Variants in SLC28A1 observed in about 807,000 individuals in gnomAD.
SLC28A1 encodes the protein solute carrier family 28 member 1, also known as sodium/nucleoside cotransporter 1.
In SLC28A1, 64 loss-of-function variants were observed where a neutral mutation model predicts 74.8. The ratio of observed to expected loss-of-function variants is 0.86; its 90% CI spans 0.70 to 1.05. The LOEUF (loss-of-function observed/expected upper bound fraction) is 1.05, where lower values mean the gene tolerates loss of function less well. SLC28A1 is among the 50% of genes least tolerant of loss of function. The pLI is 0.00. For missense variants in SLC28A1, 828 were observed against 822.8 expected, an observed-to-expected ratio of 1.01 and a Z score of -0.08; for synonymous variants, 359 against 335.0, an observed-to-expected ratio of 1.07 and a Z score of -0.78.
chr15:84,922,915 G>T (rs534238896), intron 11 of SLC28A1, among the ~76,000 whole-genome samples: 5 of 152,318 alleles, frequency 3.3e-5, no homozygotes, highest in African/African-American at 1.2e-4. Flanking sequence ...TCCTCAGAGA[G>T]GGCTTTGCCG....
In SLC28A1 at chr15:84,886,571, G is replaced by A. The variant is rs973854573; in HGVS notation, c.-132-101G>A. On this transcript the variant is annotated intron_variant, in intron 1 of 18. Coordinates refer to ENST00000394573, the MANE Select transcript of SLC28A1 (RefSeq NM_004213.5). Reference sequence around the variant, plus strand: ...GCCTGCTTCCTGTATCCCTGAGACCGTGTTGGGGTCCCCACCCTGGCTGTG... The same window carrying A: ...GCCTGCTTCCTGTATCCCTGAGACCATGTTGGGGTCCCCACCCTGGCTGTG... 14 of 985,400 alleles carry A rather than the reference G, an allele frequency of 1.4e-5. No homozygotes were observed. In the Admixed American group the frequency reaches 1.8e-4, roughly 13 times the overall value. 61.0% of individuals were successfully genotyped at this position (985,400 alleles called of 1,614,324 possible). A position where few individuals can be genotyped will look rare whatever the true frequency, so the allele number is the denominator to read the frequency against.
At chr15:84,937,913 C>CAAAAT (rs386383645) in intron 15 of SLC28A1, among the ~76,000 whole-genome samples, 1 of 143,336 alleles carries the variant, frequency 7.0e-6, no homozygotes, top group East Asian at 2.1e-4. Context: ...CAAAACAAAA[C>CAAAAT]AAAAAACCAG....
intron 6 of SLC28A1, among the ~76,000 whole-genome samples, chr15:84,898,300 C>T (rs1011627213): frequency 3.3e-5 from 5 of 152,034 alleles, no homozygotes; most frequent in Admixed American, 6.6e-5. Flanking sequence ...TGCATTTGGT[C>T]GGGTGCGGTG....
At chr15:84,908,917 C>T (rs754522679) in intron 9 of SLC28A1, 122 bp downstream of exon 9, 14 of 806,870 alleles carry the variant, frequency 1.7e-5, no homozygotes, top group Non-Finnish European at 6.4e-6. Context: ...GCAGAGGTCG[C>T]CGTACTGGGA....
chr15:84,922,942 G>T (rs1453897454), intron 11 of SLC28A1, among the ~76,000 whole-genome samples: 1 of 152,134 alleles, frequency 6.6e-6, no homozygotes, highest in Non-Finnish European at 1.5e-5. Context: ...CAGTTTCTTT[G>T]TTTTTGTTTT....
chr15:84,902,524 A>G (rs1966786883), intron 6 of SLC28A1, among the ~76,000 whole-genome samples: 1 of 151,886 alleles, frequency 6.6e-6, no homozygotes, highest in Non-Finnish European at 1.5e-5. Context: ...AAAACATATC[A>G]ACTGTTACCT....
chr15:84,962,356 G>A, the SLC28A1 span, among the ~76,000 whole-genome samples: 3 of 152,106 alleles, frequency 2.0e-5, no homozygotes, highest in African/African-American at 4.8e-5. Flanking sequence ...TTATAGGTGT[G>A]AGCCACTGCA....
At chr15:84,974,631 G>A in the SLC28A1 span, among the ~76,000 whole-genome samples, 1 of 152,142 alleles carries the variant, frequency 6.6e-6, no homozygotes, top group African/African-American at 2.4e-5. Flanking sequence ...GATGCCAGCA[G>A]GGCTCAGGTT....
chr15:84,886,041 T>A, intron 1 of SLC28A1: 1 of 588,518 alleles, frequency 1.7e-6, no homozygotes, highest in Non-Finnish European at 2.1e-6. Context: ...ATTAAAGAGA[T>A]GTTGTGAATC....
At chr15:84,950,370 T>C (rs971624698), downstream of SLC28A1, among the ~76,000 whole-genome samples, 3 of 151,392 alleles carry the variant, frequency 2.0e-5, no homozygotes, top group African/African-American at 7.3e-5. Context: ...TTTTTTTTTT[T>C]TTTTTTTTTT....
At chr15:84,899,688 G>A (rs972785346) in intron 6 of SLC28A1, among the ~76,000 whole-genome samples, 1 of 152,146 alleles carries the variant, frequency 6.6e-6, no homozygotes, top group African/African-American at 2.4e-5. Flanking sequence ...AACTCTTTCA[G>A]TCATACAAAA....
At chr15:84,928,518 G>GTTTT (rs749290216) in intron 12 of SLC28A1, among the ~76,000 whole-genome samples, 944 of 34,116 alleles carry the variant, frequency 0.028, 78 homozygotes, top group Middle Eastern at 0.067. Context: ...CAAGCTCCCA[G>GTTTT]GTTCGTTCGT....
At chr15:84,962,127 T>C in the SLC28A1 span, among the ~76,000 whole-genome samples, 1 of 152,088 alleles carries the variant, frequency 6.6e-6, no homozygotes. Context: ...CAGGCTGGAG[T>C]GCAATGGTGT....
chr15:84,961,362 C>T, the SLC28A1 span, among the ~76,000 whole-genome samples: 1 of 149,392 alleles, frequency 6.7e-6, no homozygotes, highest in African/African-American at 2.5e-5. Context: ...GACAGGGTAT[C>T]ACTCTGTTGC....
intron 12 of SLC28A1, chr15:84,926,540 C>T (rs1567169488): frequency 2.2e-6 from 1 of 455,140 alleles, no homozygotes; most frequent in Non-Finnish European, 4.4e-6. Context: ...TTTGATCCAG[C>T]TAGAAAAATT....
the SLC28A1 span, among the ~76,000 whole-genome samples, chr15:84,973,764 G>A: frequency 2.9e-3 from 440 of 152,252 alleles, 3 homozygotes; most frequent in Non-Finnish European, 4.7e-3. Flanking sequence ...TGAAGTCAGG[G>A]GCTGTTTTGT....
intron 9 of SLC28A1, among the ~76,000 whole-genome samples, chr15:84,914,643 C>T (rs1596294188): frequency 6.6e-6 from 1 of 152,284 alleles, no homozygotes; most frequent in East Asian, 1.9e-4. Context: ...TATTAGGGAC[C>T]TGGCCCAGGA....
At chr15:84,895,748 A>C in intron 6 of SLC28A1, 1 of 1,214,444 alleles carries the variant, frequency 8.2e-7, no homozygotes, top group Non-Finnish European at 1.0e-6. Flanking sequence ...AAAAAAGAAA[A>C]TTCGCTGGGG....
In SLC28A1 at chr15:84,945,248, C is replaced by CG; in HGVS notation, c.*51dup. 6.4e-7 allele frequency: 1 copy of CG among 1,554,286 alleles called. No homozygotes were observed. The highest frequency in any genetic ancestry group is 8.9e-7 in the Non-Finnish European group (1 of 1,125,946). On this transcript the variant is annotated 3_prime_UTR_variant, in exon 19 of 19. Coordinates refer to ENST00000394573, the MANE Select transcript of SLC28A1 (RefSeq NM_004213.5). ...TGCGCTTCTGAGGGCTGTTCTCCCC[C>CG]GGGAACCATCTGTCCCCACCTTCCC...
Sources: gnomAD v4.1 joint callset for allele counts (sites outside exome capture counted in the v4.1 genomes callset) on GRCh38, gnomAD v4.1.1 for gene constraint, MANE v1.5 for transcripts, NCBI Gene and HGNC (gene_info 2026-07-23, HGNC 2026-07-21) for gene names.